The following NOS3 variants were observed in gnomAD, a reference collection of about 807,000 sequenced individuals.
NOS3 encodes nitric oxide synthase 3.
A neutral mutation model predicts 144.9 loss-of-function variants in NOS3; 98 were observed. The ratio of observed to expected loss-of-function variants is 0.68; its 90% CI spans 0.57 to 0.80. NOS3 has a LOEUF of 0.80. Among genes scored for constraint, NOS3 ranks in the 30% least tolerant of loss-of-function variants. The probability of loss-of-function intolerance (pLI) is 0.00; values close to 1 mark genes in which losing one functional copy is unlikely to be tolerated. For missense variants in NOS3, 1,465 were observed against 1,656.4 expected (o/e 0.88, Z 2.01); for synonymous variants, 714 against 702.4 (o/e 1.02, Z -0.26).
At chr7:151,006,562 G>T in intron 15 of NOS3, 68 bp downstream of exon 15, 1 of 1,330,618 alleles carries the variant, frequency 7.5e-7, no homozygotes, top group South Asian at 1.2e-5. Flanking sequence ...CAGAAAGGGG[G>T]TCTGAAAAGC....
Position 151,001,824 on chromosome 7 carries a change from C to G in NOS3, c.1506C>G (p.Ala502=). 1 of 1,613,706 alleles carries G rather than the reference C, an allele frequency of 6.2e-7. No individual in the cohort carries two copies. The highest frequency in any genetic ancestry group is 8.5e-7 in the Non-Finnish European group (1 of 1,180,012). Reference sequence around the variant, plus strand: ...CTCACACCTTCCTCTCCCGCAGCGCCGTGAAGATCTCCGCCTCGCTCATGG... The same window carrying G: ...CTCACACCTTCCTCTCCCGCAGCGCGGTGAAGATCTCCGCCTCGCTCATGG... ...RKKTFKEVAN[A]VKISASLMGT... Residue 502 remains alanine, a synonymous_variant, in exon 13 of 27, where the codon GCC becomes GCG. Transcript: ENST00000297494.
intron 23 of NOS3, among the ~76,000 whole-genome samples, chr7:151,011,237 C>T (rs1266046539): frequency 6.6e-6 from 1 of 152,046 alleles, no homozygotes; most frequent in Admixed American, 6.5e-5. Flanking sequence ...GGCCCTGTGG[C>T]TTTCTGAAAG....
In NOS3 at chr7:150,998,532, G is replaced by A. The variant is rs372504491; in HGVS notation, c.675-7G>A. On this transcript the variant is annotated splice_region_variant and splice_polypyrimidine_tract_variant and intron_variant, in intron 6 of 26. Transcript: ENST00000297494. The surrounding 1 kb of genome is among the most constrained non-coding windows in gnomAD (Gnocchi z 5.0). ...GCTCTGACCAGCTCTTTCCCCATGC[G>A]TGCCAGCTCGGCCATCACAGTGTTC... 8.8e-5 allele frequency: 141 copies of A among 1,610,722 alleles called. No individual in the cohort carries two copies. Among genetic ancestry groups the A allele is most frequent in the Admixed American group, 4.7e-4 (28 of 59,834 alleles).
intron 2 of NOS3, 132 bp downstream of exon 2, chr7:150,994,093 G>C (rs1458799724): frequency 2.3e-5 from 23 of 979,220 alleles, no homozygotes; most frequent in Non-Finnish European, 3.3e-5. Context: ...GGCTATTAAT[G>C]TGCATAGAAC....
chr7:151,006,463 T>A lies in NOS3; in HGVS notation c.1789T>A (p.Tyr597Asn). 1 of 1,613,914 alleles carries A rather than the reference T, an allele frequency of 6.2e-7. No individual in the cohort carries two copies. Among genetic ancestry groups the A allele is most frequent in the Non-Finnish European group, 8.5e-7 (1 of 1,179,972 alleles). ...AAALMEMSGP[Y>N]NSSPRPEQHK... ...TGCCCTGATGGAGATGTCCGGCCCC[T>A]ACAACAGCTCCCCTCGGCCGGAACA... Residue 597 changes from tyrosine to asparagine, a missense_variant, in exon 15 of 27, where the codon TAC (tyrosine) becomes AAC (asparagine). Tyr to Asn is a moderately radical substitution (Grantham distance 143). Around this residue, in one of 5 missense-constraint regions of NOS3, gnomAD observed 745 missense variants for 853.9 expected, o/e 0.87. Coordinates refer to ENST00000297494, the MANE Select transcript of NOS3 (RefSeq NM_000603.5).
chr7:150,996,589 C>T (rs1460537209), intron 4 of NOS3, 37 bp downstream of exon 4: 1 of 1,565,194 alleles, frequency 6.4e-7, no homozygotes, highest in Non-Finnish European at 8.7e-7. Flanking sequence ...TCCCTTGTCC[C>T]ACTGAGGCCC....
At chr7:151,009,165 TC>T (rs1449469069) in intron 18 of NOS3, 23 bp from the exon 19 acceptor site, 1 of 1,613,512 alleles carries the variant, frequency 6.2e-7, no homozygotes, top group South Asian at 1.1e-5. Flanking sequence ...TCAGGCTGCC[TC>T]ATTTGCCCCT....
chr7:151,006,159 C>T lies in NOS3; in HGVS notation c.1753-268C>T, dbSNP rs535457730. ...AAAAAACTATAAATATGCACATGCACGTAAGTTCAAGGAAAAAGGGCTGGA... is the reference window on the plus strand; with the variant it reads ...AAAAAACTATAAATATGCACATGCATGTAAGTTCAAGGAAAAAGGGCTGGA... On this transcript the variant is annotated intron_variant, in intron 14 of 26. Coordinates refer to ENST00000297494, the MANE Select transcript of NOS3 (RefSeq NM_000603.5). Among the ~76,000 whole-genome samples the T allele has an allele frequency of 3.3e-5, 5 of 152,208 alleles. No homozygotes were observed. In the East Asian group the frequency reaches 5.8e-4, roughly 18 times the overall value.
rs779921058 is a variant in NOS3, at chr7:150,998,510, C to A, written c.675-29C>A. On this transcript the variant is annotated intron_variant, in intron 6 of 26. Coordinates refer to ENST00000297494, the MANE Select transcript of NOS3 (RefSeq NM_000603.5). The surrounding 1 kb of genome is among the most constrained non-coding windows in gnomAD (Gnocchi z 5.0). ...TCCCCAAGGCAGGGAAGGCGGGGCT[C>A]TGACCAGCTCTTTCCCCATGCGTGC... is the stretch of plus-strand genomic sequence containing the variant. The A allele has an allele frequency of 1.1e-5, 18 of 1,611,090 alleles. No individual in the cohort carries two copies. The highest frequency in any genetic ancestry group is 1.4e-5 in the Non-Finnish European group (16 of 1,179,228).
In NOS3 at chr7:151,010,083, T is replaced by G. The variant is rs746033233; in HGVS notation, c.2513-32T>G. ...CAGGTACTGCAGTCCTGCTGGGCCCTGTCCTCAGAGCTCCCTGTGCACTAT... is the reference window on the plus strand; with the variant it reads ...CAGGTACTGCAGTCCTGCTGGGCCCGGTCCTCAGAGCTCCCTGTGCACTAT... On this transcript the variant is annotated intron_variant, in intron 20 of 26. Coordinates refer to ENST00000297494, the MANE Select transcript of NOS3 (RefSeq NM_000603.5). 3 of 1,467,270 alleles carry G rather than the reference T, an allele frequency of 2.0e-6. No homozygotes were observed. The African/African-American group carries it at 4.2e-5, about 20-fold the overall frequency. The allele number at this position is 1,467,270 out of a possible 1,614,324, so 90.9% of individuals were successfully genotyped here.
intron 22 of NOS3, 45 bp from the exon 23 acceptor site, chr7:151,010,854 C>G (rs554801225): frequency 4.4e-6 from 7 of 1,605,648 alleles, no homozygotes; most frequent in Non-Finnish European, 6.0e-6. Context: ...GGGTTGGGAC[C>G]GGCCCCTCTC....
Position 151,010,995 on chromosome 7 carries a change from G to C in NOS3, c.2984+9G>C, listed in dbSNP as rs1795292917. On this transcript the variant is annotated intron_variant, in intron 23 of 26. Coordinates refer to ENST00000297494, the MANE Select transcript of NOS3 (RefSeq NM_000603.5). Reference sequence around the variant, plus strand: ...CCCTGCTTCATCCGGGGGTAAGTGAGATGGAAGACTTGGTGGGGAGCTGCC... The same window carrying C: ...CCCTGCTTCATCCGGGGGTAAGTGACATGGAAGACTTGGTGGGGAGCTGCC... 1 of 1,608,452 alleles carries C rather than the reference G, an allele frequency of 6.2e-7. No homozygotes were observed. Among genetic ancestry groups the C allele is most frequent in the South Asian group, 1.1e-5 (1 of 90,560 alleles).
chr7:151,010,439 G>A, intron 21 of NOS3, 152 bp downstream of exon 21: 1 of 1,049,542 alleles, frequency 9.5e-7, no homozygotes, highest in Non-Finnish European at 1.4e-6. Flanking sequence ...TCCTCAGGGA[G>A]GAATTCATGG....
chr7:150,993,524 G>T lies in NOS3; in HGVS notation c.-51-229G>T, dbSNP rs1802299145. 6.6e-6 allele frequency among the ~76,000 whole-genome samples: 1 copy of T among 152,144 alleles called. No individual in the cohort carries two copies. The highest frequency in any genetic ancestry group is 6.5e-5 in the Admixed American group (1 of 15,270). ...CCCAGCCCCCATGCTGCAGCCCCAG[G>T]GCTCTGCTGGACACCTGGGCTCCCA... On this transcript the variant is annotated intron_variant, in intron 1 of 26. Coordinates refer to ENST00000297494, the MANE Select transcript of NOS3 (RefSeq NM_000603.5). The surrounding 1 kb of genome is among the most constrained non-coding windows in gnomAD (Gnocchi z 4.0).
At position 151,001,837 on chromosome 7, in the gene NOS3, G is replaced by A. The variant is rs1795106839; in HGVS notation, c.1519G>A (p.Ala507Thr). Residue 507 changes from alanine to threonine, a missense_variant, in exon 13 of 27, where the codon GCC becomes ACC. By Grantham distance (58) the Ala-to-Thr change is moderately conservative. Coordinates refer to ENST00000297494, the MANE Select transcript of NOS3 (RefSeq NM_000603.5). ...CTCCCGCAGCGCCGTGAAGATCTCC[G>A]CCTCGCTCATGGGCACGGTGATGGC... ...KEVANAVKIS[A>T]SLMGTVMAKR... is the part of the protein sequence containing the mutation. The A allele has an allele frequency of 3.1e-6, 5 of 1,613,730 alleles. No individual in the cohort carries two copies. Among genetic ancestry groups the A allele is most frequent in the Non-Finnish European group, 4.2e-6 (5 of 1,180,014 alleles).
In NOS3 at chr7:150,998,276, C is replaced by A; in HGVS notation, c.583-81C>A. On this transcript the variant is annotated intron_variant, in intron 5 of 26. Coordinates refer to ENST00000297494, the MANE Select transcript of NOS3 (RefSeq NM_000603.5). This position sits in a 1 kb window ranked among gnomAD's most constrained non-coding sequence, Gnocchi z 5.0. ...GTGAACCATGGCCCCTGCCTCCTCA[C>A]CAGCAGCTCCTCTGGAGCTGATACT... is the stretch of plus-strand genomic sequence containing the variant. The A allele has an allele frequency of 1.5e-6, 2 of 1,290,914 alleles. No individual in the cohort carries two copies. The highest frequency in any genetic ancestry group is 2.2e-6 in the Non-Finnish European group (2 of 913,706). The allele number at this position is 1,290,914 out of a possible 1,614,324, so 80.0% of individuals were successfully genotyped here.
chr7:151,002,198 A>C lies in NOS3; in HGVS notation c.1648-2A>C. On this transcript the variant is annotated splice_acceptor_variant, in intron 13 of 26. Transcript: ENST00000297494. LOFTEE classifies it high-confidence loss of function. This position sits in a 1 kb window ranked among gnomAD's most constrained non-coding sequence, Gnocchi z 4.1. Reference sequence around the variant, plus strand: ...CCAGGACATCTGTCTTCCCACCCACAGGTCCTGTGTATGGATGAGTATGAC... The same window carrying C: ...CCAGGACATCTGTCTTCCCACCCACCGGTCCTGTGTATGGATGAGTATGAC... The C allele has an allele frequency of 6.3e-7, 1 of 1,584,222 alleles. No individual in the cohort carries two copies. Among genetic ancestry groups the C allele is most frequent in the Non-Finnish European group, 8.6e-7 (1 of 1,162,110 alleles).
intron 19 of NOS3, 33 bp downstream of exon 19, chr7:151,009,300 C>G (rs1205589782): frequency 6.5e-7 from 1 of 1,533,832 alleles, no homozygotes; most frequent in Admixed American, 1.8e-5. Context: ...CCCCCCACCC[C>G]TGTCCTGAAC....
rs563801577 is a variant in NOS3 at position 150,994,961 on chromosome 7, C to T, written c.159-242C>T. 3.9e-5 allele frequency among the ~76,000 whole-genome samples: 6 copies of T among 152,262 alleles called. No individual in the cohort carries two copies. The South Asian group carries it at 1.0e-3, about 26-fold the overall frequency. On this transcript the variant is annotated intron_variant, in intron 2 of 26. Coordinates refer to ENST00000297494, the MANE Select transcript of NOS3 (RefSeq NM_000603.5). ...TGAGGTGGGCGCTGCAGGTGGGATG[C>T]GAACTTAGCCTCGGGTCAGGGGCTC...
Sources: allele counts gnomAD v4.1 joint callset (sites outside exome capture counted in the v4.1 genomes callset), GRCh38; gene constraint gnomAD v4.1.1; regional missense constraint gnomAD v4.1.1; non-coding constraint Gnocchi (gnomAD v3.1); transcripts MANE v1.5; gene names NCBI Gene and HGNC (gene_info 2026-07-23, HGNC 2026-07-21).